Variants in NEGR1 observed in about 807,000 individuals in gnomAD.
NEGR1 encodes IgLON family member 4.
NEGR1 carries 10 observed loss-of-function variants against 40.9 expected under a neutral mutation model. That is an observed-to-expected ratio of 0.24 (90% CI 0.15 to 0.42). The LOEUF is 0.42. Ranked by LOEUF, NEGR1 falls within the 10% of genes least tolerant of loss-of-function variation. The probability of loss-of-function intolerance (pLI) is 1.00; values close to 1 mark genes in which losing one functional copy is unlikely to be tolerated. For missense variants in NEGR1, 352 were observed against 438.9 expected, an observed-to-expected ratio of 0.80 and a Z score of 1.77; for synonymous variants, 185 against 166.8, an observed-to-expected ratio of 1.11 and a Z score of -0.84.
intron 6 of NEGR1, among the ~76,000 whole-genome samples, chr1:71,527,911 T>C (rs1308965051): frequency 6.6e-6 from 1 of 151,386 alleles, no homozygotes; most frequent in Non-Finnish European, 1.5e-5. Flanking sequence ...ATTAATTCTG[T>C]TTTTTATTGT....
intron 2 of NEGR1, among the ~76,000 whole-genome samples, chr1:71,883,657 T>A (rs1281076568): frequency 1.3e-5 from 2 of 152,160 alleles, no homozygotes; most frequent in East Asian, 3.9e-4. Context: ...ACATGCGCCG[T>A]GTTGGTGTGC....
chr1:71,862,867 T>C, intron 2 of NEGR1, among the ~76,000 whole-genome samples: 1 of 152,066 alleles, frequency 6.6e-6, no homozygotes, highest in African/African-American at 2.4e-5. Context: ...TCACTGATCA[T>C]TAGAAAAATG....
rs555847654 is a variant in NEGR1, at chr1:72,201,700, G to A, written c.176+80619C>T. On this transcript the variant is annotated intron_variant, in intron 1 of 6. Transcript: ENST00000357731. ...GGGGGGTGGAAGTGTCTTAGAATCA[G>A]TGAAATTCAGGGTATGTGATTTTAC... Among the ~76,000 whole-genome samples the A allele has an allele frequency of 3.8e-4, 58 of 151,894 alleles. 2 individuals carry two copies. The South Asian group carries it at 0.012, about 30-fold the overall frequency.
At chr1:71,693,003 C>T (rs1050707167) in intron 4 of NEGR1, among the ~76,000 whole-genome samples, 10 of 151,718 alleles carry the variant, frequency 6.6e-5, no homozygotes, top group Non-Finnish European at 1.0e-4. Context: ...GAGCTCTTTT[C>T]ACCTTAGTCT....
At chr1:71,417,360 A>G (rs1162863701) in intron 6 of NEGR1, among the ~76,000 whole-genome samples, 1 of 152,188 alleles carries the variant, frequency 6.6e-6, no homozygotes, top group African/African-American at 2.4e-5. Context: ...AGGTTTTACT[A>G]TAGAGCTGAA....
At chr1:72,221,572 G>A (rs769859134) in intron 1 of NEGR1, among the ~76,000 whole-genome samples, 14 of 151,700 alleles carry the variant, frequency 9.2e-5, no homozygotes, top group South Asian at 4.2e-4. Context: ...TAATATTATC[G>A]GATATGAAGA....
At chr1:71,568,544 G>A (rs1331280034) in intron 6 of NEGR1, among the ~76,000 whole-genome samples, 1 of 152,058 alleles carries the variant, frequency 6.6e-6, no homozygotes, top group Non-Finnish European at 1.5e-5. Flanking sequence ...AAGTTACCAT[G>A]TGACAAGTTC....
At chr1:72,149,068 C>T (rs531170353) in intron 1 of NEGR1, among the ~76,000 whole-genome samples, 1 of 152,046 alleles carries the variant, frequency 6.6e-6, no homozygotes, top group Non-Finnish European at 1.5e-5. Context: ...AAAGACATAC[C>T]AATAACTGGG....
chr1:71,835,249 C>T lies in NEGR1; in HGVS notation c.410-58952G>A, dbSNP rs575185562. Reference sequence around the variant, plus strand: ...AACTGGCATCATGTTTTTTCTGCCACGTTCTATTGGTGAAAGCAAGTCACA... The same window carrying T: ...AACTGGCATCATGTTTTTTCTGCCATGTTCTATTGGTGAAAGCAAGTCACA... On this transcript the variant is annotated intron_variant, in intron 2 of 6. Transcript: ENST00000357731. Among the ~76,000 whole-genome samples, 48 of 152,184 alleles carry T rather than the reference C, an allele frequency of 3.2e-4. No homozygotes were observed. The Middle Eastern group carries it at 0.017, about 54-fold the overall frequency.
intron 1 of NEGR1, among the ~76,000 whole-genome samples, chr1:72,248,607 T>TATTATC (rs1553153664): frequency 1.7e-3 from 245 of 147,122 alleles, no homozygotes; most frequent in African/African-American, 5.8e-3. Context: ...TTATTATTAT[T>TATTATC]ATTATTATTT....
intron 2 of NEGR1, among the ~76,000 whole-genome samples, chr1:71,849,672 T>G (rs1659538808): frequency 6.6e-6 from 1 of 152,142 alleles, no homozygotes; most frequent in Admixed American, 6.5e-5. Context: ...GAAGGGTCAA[T>G]CTATGTGGCA....
chr1:71,955,146 T>G (rs1570549857), intron 1 of NEGR1, among the ~76,000 whole-genome samples: 1 of 152,246 alleles, frequency 6.6e-6, no homozygotes, highest in South Asian at 2.1e-4. Flanking sequence ...CTTCAAATTA[T>G]CCATATGCCA....
chr1:72,193,883 T>C (rs1652909550), intron 1 of NEGR1, among the ~76,000 whole-genome samples: 1 of 151,668 alleles, frequency 6.6e-6, no homozygotes, highest in African/African-American at 2.4e-5. Context: ...CTTAGCCCTA[T>C]AGATTAACCC....
At chr1:71,687,461 T>C (rs10889929) in intron 4 of NEGR1, among the ~76,000 whole-genome samples, 1 of 152,088 alleles carries the variant, frequency 6.6e-6, no homozygotes, top group Non-Finnish European at 1.5e-5. Context: ...CTTTTCTGTG[T>C]AGCAGCAAGC....
At chr1:72,194,333 T>G (rs1322302013) in intron 1 of NEGR1, among the ~76,000 whole-genome samples, 1 of 151,928 alleles carries the variant, frequency 6.6e-6, no homozygotes, top group Non-Finnish European at 1.5e-5. Flanking sequence ...TGAGAAGTTT[T>G]TATTTTTAGT....
chr1:72,058,500 G>A (rs2821273), intron 1 of NEGR1, among the ~76,000 whole-genome samples: 148,221 of 151,680 alleles, frequency 0.98, 72,525 homozygotes, highest in Middle Eastern at 1. Context: ...TTTTGAAAAT[G>A]GTGAAGAGGA....
chr1:71,605,512 G>T (rs902982402), intron 5 of NEGR1, among the ~76,000 whole-genome samples: 1 of 152,180 alleles, frequency 6.6e-6, no homozygotes, highest in Non-Finnish European at 1.5e-5. Flanking sequence ...TGAAATGCCA[G>T]TATATTACAA....
chr1:72,015,976 T>C (rs1569828236), intron 1 of NEGR1, among the ~76,000 whole-genome samples: 2 of 152,116 alleles, frequency 1.3e-5, no homozygotes, highest in East Asian at 1.9e-4. Flanking sequence ...CAAAGAGAAA[T>C]GAGAAGAGCA....
In NEGR1 at chr1:72,174,508, A is replaced by G. The variant is rs1462660178; in HGVS notation, c.176+107811T>C. ...TCTATTCATTTCTTTCTCCCCTCCA[A>G]CTCTGAGTAAACATTGATCCTTTTA... On this transcript the variant is annotated intron_variant, in intron 1 of 6. Transcript: ENST00000357731. Among the ~76,000 whole-genome samples, 3 of 151,914 alleles carry G rather than the reference A, an allele frequency of 2.0e-5. No homozygotes were observed. In the East Asian group the frequency reaches 5.8e-4, roughly 29 times the overall value.
Sources: gnomAD v4.1 joint callset for allele counts (sites outside exome capture counted in the v4.1 genomes callset) on GRCh38, gnomAD v4.1.1 for gene constraint, MANE v1.5 for transcripts, NCBI Gene and HGNC (gene_info 2026-07-23, HGNC 2026-07-21) for gene names.